NPEPPS: variants seen among roughly 807,000 people sequenced by gnomAD.
The protein encoded by NPEPPS is aminopeptidase puromycin sensitive, also known as puromycin-sensitive aminopeptidase.
Under a neutral mutation model 115.5 loss-of-function variants are expected in NPEPPS, and 14 were observed. The observed-to-expected ratio is 0.12, with a 90% CI of 0.08 to 0.19. NPEPPS has a LOEUF of 0.19. Among genes scored for constraint, NPEPPS ranks in the 10% least tolerant of loss-of-function variants. The pLI, the probability that NPEPPS is intolerant of heterozygous loss-of-function variation, is 1.00. For synonymous variants in NPEPPS, 285 were observed against 390.6 expected (o/e 0.73, Z 3.19); for missense variants, 523 against 1,110.8 (o/e 0.47, Z 7.52).
Position 47,577,677 on chromosome 17 carries a change from G to GT in NPEPPS, c.419-1707dup, listed in dbSNP as rs1342355015. ...CTTCAATTAAGCTTCAGTTGAGTTG[G>GT]TTTTTTCTCAGAATGATTAAGAATA... On this transcript the variant is annotated intron_variant, in intron 3 of 22. Coordinates refer to ENST00000322157, the MANE Select transcript of NPEPPS (RefSeq NM_006310.4). Among the ~76,000 whole-genome samples, 8 of 152,224 alleles carry GT rather than the reference G, an allele frequency of 5.3e-5. 1 individual carries two copies. The highest frequency in any genetic ancestry group is 3.4e-3 in the Middle Eastern group (1 of 294).
chr17:47,524,827 A>G (rs1266879768), intron 1 of NPEPPS, among the ~76,000 whole-genome samples: 3 of 135,870 alleles, frequency 2.2e-5, no homozygotes, highest in East Asian at 2.1e-4. Flanking sequence ...TTTTTTGTAG[A>G]GATGGGAGTC....
At chr17:47,529,737 T>C (rs201105590), upstream of NPEPPS, among the ~76,000 whole-genome samples, 2 of 25,630 alleles carry the variant, frequency 7.8e-5, no homozygotes, top group African/African-American at 1.9e-4. Flanking sequence ...TTCAGTTACA[T>C]TATATATATA....
At position 47,605,300 on chromosome 17, in the gene NPEPPS, G is replaced by A. The variant is rs201750913; in HGVS notation, c.1876-33G>A. 68 of 1,492,472 alleles carry A rather than the reference G, an allele frequency of 4.6e-5. No homozygotes were observed. The Admixed American group carries it at 6.2e-4, about 14-fold the overall frequency. The allele number at this position is 1,492,472 out of a possible 1,614,324, so 92.5% of individuals were successfully genotyped here. On this transcript the variant is annotated intron_variant, in intron 16 of 22. Coordinates refer to ENST00000322157, the MANE Select transcript of NPEPPS (RefSeq NM_006310.4). ...CTTATGTTTTTTGGTTTTGTTTGAA[G>A]ACTAGGTTAATTTATGTTTTTTCCT... is the stretch of plus-strand genomic sequence containing the variant.
At chr17:47,609,742 A>G (rs757991203) in intron 17 of NPEPPS, among the ~76,000 whole-genome samples, 2 of 152,168 alleles carry the variant, frequency 1.3e-5, no homozygotes, top group Non-Finnish European at 2.9e-5. Flanking sequence ...TACCCCACAC[A>G]GGCACATGCC....
At chr17:47,569,129 A>G (rs984549265) in intron 2 of NPEPPS, among the ~76,000 whole-genome samples, 1 of 152,138 alleles carries the variant, frequency 6.6e-6, no homozygotes, top group Non-Finnish European at 1.5e-5. Flanking sequence ...ATAGTCACAC[A>G]GGAATCTGAT....
Position 47,613,741 on chromosome 17 carries a change from A to G in NPEPPS, c.2295+16A>G, listed in dbSNP as rs1156515563. ...TATGTTAAAAGTAAGTATATTTGAGAAGGCTCCCATTTCCTGCTTTTGAAC... is the reference window on the plus strand; with the variant it reads ...TATGTTAAAAGTAAGTATATTTGAGGAGGCTCCCATTTCCTGCTTTTGAAC... On this transcript the variant is annotated intron_variant, in intron 19 of 22. Coordinates refer to ENST00000322157, the MANE Select transcript of NPEPPS (RefSeq NM_006310.4). 13 of 1,599,174 alleles carry G rather than the reference A, an allele frequency of 8.1e-6. No homozygotes were observed. The highest frequency in any genetic ancestry group is 1.1e-5 in the Non-Finnish European group (13 of 1,169,334).
chr17:47,559,735 A>G (rs1359812011), intron 2 of NPEPPS: 1 of 447,938 alleles, frequency 2.2e-6, no homozygotes, highest in Non-Finnish European at 4.5e-6. Context: ...GGGGTCATTT[A>G]CTCAAGCCTC....
Position 47,612,522 on chromosome 17 carries a change from G to A in NPEPPS, c.2158G>A (p.Ala720Thr), listed in dbSNP as rs368658252. The A allele has an allele frequency of 2.0e-4, 326 of 1,613,836 alleles. No individual in the cohort carries two copies. Among genetic ancestry groups the A allele is most frequent in the Admixed American group, 2.5e-4 (15 of 59,992 alleles). The change falls in exon 18 of 23, where the codon GCA (alanine) becomes ACA (threonine). Residue 720 changes from alanine to threonine, a missense_variant. By Grantham distance (58) the Ala-to-Thr change is moderately conservative. This residue lies in a region of NPEPPS where 372 missense variants were observed against 542.6 expected (regional missense o/e 0.69). Transcript: ENST00000322157. ...AAAACTAGGAAAAGCAGGACATAAGGCAACGTTAGAAGAAGCCCGTCGTCG... is the reference window on the plus strand; with the variant it reads ...AAAACTAGGAAAAGCAGGACATAAGACAACGTTAGAAGAAGCCCGTCGTCG... ...LGKLGKAGHK[A>T]TLEEARRRFK...
intron 21 of NPEPPS, chr17:47,619,377 A>C (rs1914402479): frequency 3.5e-6 from 2 of 563,506 alleles, no homozygotes; most frequent in South Asian, 2.0e-5. Flanking sequence ...AACATGGTGA[A>C]ATCCTGTCCC....
chr17:47,582,356 A>G (rs540438422), intron 4 of NPEPPS: 1 of 212,612 alleles, frequency 4.7e-6, no homozygotes, highest in African/African-American at 2.4e-5. Context: ...AAAGCCAGAG[A>G]GGCAACTTAC....
At chr17:47,591,475 G>A (rs1389451007) in intron 10 of NPEPPS, among the ~76,000 whole-genome samples, 2 of 152,034 alleles carry the variant, frequency 1.3e-5, no homozygotes, top group Non-Finnish European at 2.9e-5. Context: ...TTTATTGTCA[G>A]GGTCTGTTTT....
chr17:47,602,397 G>A (rs1025071204), intron 15 of NPEPPS, among the ~76,000 whole-genome samples: 2 of 152,000 alleles, frequency 1.3e-5, no homozygotes, highest in African/African-American at 4.8e-5. Flanking sequence ...CACTTTCGGA[G>A]GCCGAGGCAG....
chr17:47,570,337 G>C (rs567015934), intron 3 of NPEPPS, among the ~76,000 whole-genome samples: 2 of 152,120 alleles, frequency 1.3e-5, no homozygotes, highest in Admixed American at 6.5e-5. Flanking sequence ...CAAGAAAATC[G>C]CCAGAAGCCA....
At chr17:47,578,292 A>C (rs1239131188) in intron 3 of NPEPPS, among the ~76,000 whole-genome samples, 1 of 152,026 alleles carries the variant, frequency 6.6e-6, no homozygotes, top group Non-Finnish European at 1.5e-5. Flanking sequence ...AATTTGAAAC[A>C]TTAGTATATA....
intron 2 of NPEPPS, among the ~76,000 whole-genome samples, chr17:47,546,358 C>T (rs1909214966): frequency 6.6e-6 from 1 of 151,638 alleles, no homozygotes; most frequent in South Asian, 2.1e-4. Flanking sequence ...CCCAGGTGGC[C>T]GAGGCTGCAG....
chr17:47,559,595 G>A (rs1474487862), intron 2 of NPEPPS: 2 of 454,024 alleles, frequency 4.4e-6, no homozygotes, highest in African/African-American at 2.0e-5. Flanking sequence ...TAATACTTAA[G>A]GTTCATCTTT....
At chr17:47,541,908 A>G (rs1436865175) in intron 1 of NPEPPS, among the ~76,000 whole-genome samples, 1 of 152,282 alleles carries the variant, frequency 6.6e-6, no homozygotes, top group East Asian at 1.9e-4. Flanking sequence ...TTGTGAGCCA[A>G]AGTAGTTTCA....
chr17:47,524,517 C>T (rs1207678155), intron 1 of NPEPPS, among the ~76,000 whole-genome samples: 8 of 150,706 alleles, frequency 5.3e-5, no homozygotes, highest in Non-Finnish European at 1.0e-4. Context: ...TTTTTTGAGA[C>T]GGAGTCTTGC....
At chr17:47,607,281 G>A (rs1913573975) in intron 17 of NPEPPS, among the ~76,000 whole-genome samples, 1 of 152,192 alleles carries the variant, frequency 6.6e-6, no homozygotes, top group Admixed American at 6.5e-5. Flanking sequence ...CTCTAATAAG[G>A]TGATATTGAG....
Sources: gnomAD v4.1 joint callset for allele counts (sites outside exome capture counted in the v4.1 genomes callset) on GRCh38, gnomAD v4.1.1 for gene constraint, gnomAD v4.1.1 regional missense constraint, MANE v1.5 for transcripts, NCBI Gene and HGNC (gene_info 2026-07-23, HGNC 2026-07-21) for gene names.